Variants in DCLK1 observed in about 807,000 individuals in gnomAD.
DCLK1 encodes the protein serine/threonine-protein kinase DCLK1.
Under a neutral mutation model 86.2 loss-of-function variants are expected in DCLK1, and 16 were observed. The ratio of observed to expected loss-of-function variants is 0.19; its 90% CI spans 0.13 to 0.28. DCLK1 has a LOEUF of 0.28. Ranked by LOEUF, DCLK1 falls within the 10% of genes least tolerant of loss-of-function variation. The pLI is 1.00. For synonymous variants in DCLK1, 369 were observed against 370.5 expected (o/e 1.00, Z 0.05); for missense variants, 590 against 940.2 (o/e 0.63, Z 4.87).
At chr13:36,046,112 T>C (rs1882905213) in intron 3 of DCLK1, among the ~76,000 whole-genome samples, 1 of 152,180 alleles carries the variant, frequency 6.6e-6, no homozygotes, top group Non-Finnish European at 1.5e-5. Flanking sequence ...AAGAAAGTTA[T>C]GAGAACTGGT....
chr13:36,102,079 A>G (rs1434690906), intron 3 of DCLK1, among the ~76,000 whole-genome samples: 1 of 151,796 alleles, frequency 6.6e-6, no homozygotes, highest in Non-Finnish European at 1.5e-5. Flanking sequence ...TGAAGCATAC[A>G]CCTGTGCACA....
At chr13:35,809,136 C>T (rs575311598) in intron 12 of DCLK1, 41 bp from the exon 13 acceptor site, 19 of 1,538,026 alleles carry the variant, frequency 1.2e-5, no homozygotes, top group Middle Eastern at 1.7e-4. Flanking sequence ...GGGTCAGGCT[C>T]GGACAAATTA....
intron 3 of DCLK1, among the ~76,000 whole-genome samples, chr13:35,958,181 A>AACC (rs1171117798): frequency 9.2e-6 from 1 of 108,198 alleles, no homozygotes; most frequent in Admixed American, 8.4e-5. Flanking sequence ...TCACCACTAT[A>AACC]ACCACCACTA....
At chr13:35,900,609 T>G (rs565944229) in intron 4 of DCLK1, among the ~76,000 whole-genome samples, 1 of 152,296 alleles carries the variant, frequency 6.6e-6, no homozygotes, top group East Asian at 1.9e-4. Context: ...AAGCTTACAC[T>G]ACTTTACAGC....
chr13:35,967,059 G>A (rs1436247076), intron 3 of DCLK1, among the ~76,000 whole-genome samples: 1 of 151,802 alleles, frequency 6.6e-6, no homozygotes, highest in Non-Finnish European at 1.5e-5. Context: ...AGGAAGTGAG[G>A]AGCGTCTCTG....
chr13:36,026,686 T>G (rs113453755), intron 3 of DCLK1, among the ~76,000 whole-genome samples: 202 of 152,344 alleles, frequency 1.3e-3, no homozygotes, highest in African/African-American at 4.5e-3. Context: ...AAGGTTGGAT[T>G]ATTTTTGGCA....
intron 3 of DCLK1, among the ~76,000 whole-genome samples, chr13:36,070,081 C>G (rs1010598645): frequency 1.3e-5 from 2 of 152,046 alleles, no homozygotes; most frequent in African/African-American, 4.8e-5. Context: ...ATCCTTAAGT[C>G]TCCAAGGAAG....
chr13:36,042,031 T>C (rs1032192848), intron 3 of DCLK1, among the ~76,000 whole-genome samples: 3 of 152,114 alleles, frequency 2.0e-5, no homozygotes, highest in African/African-American at 4.8e-5. Flanking sequence ...ACAATTCAAA[T>C]TGGGGACAGG....
intron 3 of DCLK1, among the ~76,000 whole-genome samples, chr13:36,040,362 TC>T (rs1195948994): frequency 3.9e-5 from 5 of 127,610 alleles, no homozygotes; most frequent in Admixed American, 7.5e-5. Context: ...AGGGTATTCC[TC>T]CATAGGAATA....
chr13:35,828,614 T>G (rs959843019), intron 8 of DCLK1, among the ~76,000 whole-genome samples: 1 of 152,190 alleles, frequency 6.6e-6, no homozygotes, highest in Non-Finnish European at 1.5e-5. Flanking sequence ...CTCTTCCAAG[T>G]GTACTTTCCT....
chr13:36,002,026 A>G (rs562632364), intron 3 of DCLK1, among the ~76,000 whole-genome samples: 1 of 119,056 alleles, frequency 8.4e-6, no homozygotes, highest in African/African-American at 4.0e-5. Context: ...AGTTGGGTTA[A>G]AAAAAAAATC....
intron 3 of DCLK1, among the ~76,000 whole-genome samples, chr13:36,005,483 C>G (rs1880907719): frequency 6.6e-6 from 1 of 152,154 alleles, no homozygotes; most frequent in Non-Finnish European, 1.5e-5. Context: ...CTATTACTAA[C>G]TTCATTTTAA....
intron 4 of DCLK1, among the ~76,000 whole-genome samples, chr13:35,935,831 C>T (rs73523605): frequency 3.9e-5 from 6 of 152,284 alleles, no homozygotes; most frequent in African/African-American, 1.4e-4. Context: ...TATTTATCAT[C>T]TCCAAGCCTT....
chr13:35,831,787 C>T (rs1223233670), intron 8 of DCLK1, among the ~76,000 whole-genome samples: 3 of 152,204 alleles, frequency 2.0e-5, no homozygotes, highest in Non-Finnish European at 4.4e-5. Context: ...ATTTGTAAGG[C>T]TGCCTTCTTA....
At chr13:35,776,869 C>G (rs1174858938) in intron 16 of DCLK1, among the ~76,000 whole-genome samples, 1 of 152,178 alleles carries the variant, frequency 6.6e-6, no homozygotes, top group Non-Finnish European at 1.5e-5. Flanking sequence ...TTGGCTGCAG[C>G]CACTGAAATA....
chr13:36,037,477 TTTTTGTTTTG>T (rs934477821), intron 3 of DCLK1, among the ~76,000 whole-genome samples: 1 of 151,630 alleles, frequency 6.6e-6, no homozygotes, highest in African/African-American at 2.4e-5. Flanking sequence ...TTTCTCGTGG[TTTTTGTTTTG>T]TTTTGTTTTG....
At chr13:35,831,910 C>A (rs1203595532) in intron 8 of DCLK1, among the ~76,000 whole-genome samples, 1 of 152,178 alleles carries the variant, frequency 6.6e-6, no homozygotes, top group African/African-American at 2.4e-5. Context: ...TTGGAGACAG[C>A]TGTCTTGTTC....
chr13:35,988,923 A>G (rs1219270192), intron 3 of DCLK1, among the ~76,000 whole-genome samples: 1 of 152,198 alleles, frequency 6.6e-6, no homozygotes, highest in African/African-American at 2.4e-5. Flanking sequence ...CTCACAGGGT[A>G]TCATCAGCAC....
At chr13:36,100,666 C>G (rs1205744119) in intron 3 of DCLK1, among the ~76,000 whole-genome samples, 1 of 152,158 alleles carries the variant, frequency 6.6e-6, no homozygotes, top group Non-Finnish European at 1.5e-5. Context: ...AATGGGGTCG[C>G]TGGGCATTGT....
Sources: gnomAD v4.1 joint callset for allele counts (sites outside exome capture counted in the v4.1 genomes callset) on GRCh38, gnomAD v4.1.1 for gene constraint, MANE v1.5 for transcripts, NCBI Gene and HGNC (gene_info 2026-07-23, HGNC 2026-07-21) for gene names.